Variants in SUGCT observed in about 807,000 individuals in gnomAD.
The protein encoded by SUGCT is succinyl-CoA:glutarate-CoA transferase.
Under a neutral mutation model 55.0 loss-of-function variants are expected in SUGCT, and 41 were observed. That is an observed-to-expected ratio of 0.74 (90% CI 0.58 to 0.97). SUGCT has a LOEUF of 0.97. Among genes scored for constraint, SUGCT ranks in the 50% least tolerant of loss-of-function variants. The pLI, the probability that SUGCT is intolerant of heterozygous loss-of-function variation, is 0.00. For missense variants in SUGCT, 568 were observed against 547.8 expected, an observed-to-expected ratio of 1.04 and a Z score of -0.37; for synonymous variants, 187 against 200.4, an observed-to-expected ratio of 0.93 and a Z score of 0.56.
chr7:40,376,169 A>G (rs1784531542), intron 9 of SUGCT, among the ~76,000 whole-genome samples: 1 of 152,202 alleles, frequency 6.6e-6, no homozygotes, highest in Non-Finnish European at 1.5e-5. Context: ...AGAAAAAGCT[A>G]TGAAGGGAAG....
At chr7:40,423,966 T>A (rs1241758037) in intron 9 of SUGCT, among the ~76,000 whole-genome samples, 1 of 152,088 alleles carries the variant, frequency 6.6e-6, no homozygotes, top group East Asian at 1.9e-4. Context: ...TTGTTATGTG[T>A]CTCTCTTTGG....
At chr7:40,253,179 C>T (rs1790560332) in intron 7 of SUGCT, among the ~76,000 whole-genome samples, 1 of 152,136 alleles carries the variant, frequency 6.6e-6, no homozygotes, top group African/African-American at 2.4e-5. Flanking sequence ...ATGGGGATAA[C>T]ATAACTATTT....
intron 6 of SUGCT, among the ~76,000 whole-genome samples, chr7:40,207,763 G>C (rs888888592): frequency 2.6e-5 from 4 of 151,938 alleles, no homozygotes; most frequent in African/African-American, 9.7e-5. Context: ...ACTGCAGTGA[G>C]CTGAGATTGT....
chr7:40,812,045 T>C (rs1048730684), intron 13 of SUGCT, among the ~76,000 whole-genome samples: 5 of 152,240 alleles, frequency 3.3e-5, no homozygotes, highest in African/African-American at 4.8e-5. Flanking sequence ...TTTATGTTTA[T>C]GTGGTGAAGC....
chr7:40,160,143 C>G (rs1300768555), intron 1 of SUGCT, among the ~76,000 whole-genome samples: 1 of 152,170 alleles, frequency 6.6e-6, no homozygotes, highest in Non-Finnish European at 1.5e-5. Flanking sequence ...ATGGTTAGGT[C>G]CTGTGGATCC....
chr7:40,775,165 G>C (rs1003799551), intron 13 of SUGCT, among the ~76,000 whole-genome samples: 1 of 152,208 alleles, frequency 6.6e-6, no homozygotes, highest in African/African-American at 2.4e-5. Flanking sequence ...GGTTTTGAAA[G>C]ATAAATGTGC....
intron 9 of SUGCT, among the ~76,000 whole-genome samples, chr7:40,381,111 T>G (rs1383137798): frequency 6.6e-6 from 1 of 152,092 alleles, no homozygotes; most frequent in African/African-American, 2.4e-5. Flanking sequence ...AGGGTCCATT[T>G]TGTTTTATCT....
intron 13 of SUGCT, among the ~76,000 whole-genome samples, chr7:40,760,758 A>G (rs1562986747): frequency 6.6e-6 from 1 of 151,958 alleles, no homozygotes; most frequent in Non-Finnish European, 1.5e-5. Flanking sequence ...CCTGAGCTCA[A>G]AGCCTGGTTT....
chr7:40,139,303 T>C (rs1180520223), intron 1 of SUGCT, among the ~76,000 whole-genome samples: 4 of 152,172 alleles, frequency 2.6e-5, no homozygotes, highest in African/African-American at 9.6e-5. Flanking sequence ...GTTCAAGGAT[T>C]GTTCTGCATC....
intron 1 of SUGCT, among the ~76,000 whole-genome samples, chr7:40,157,757 G>T (rs1783967511): frequency 1.3e-5 from 2 of 152,150 alleles, no homozygotes; most frequent in South Asian, 4.1e-4. Context: ...GCTTCTGTAG[G>T]ATGTGATTAG....
At chr7:40,428,843 T>C (rs960260209) in intron 9 of SUGCT, among the ~76,000 whole-genome samples, 1 of 152,228 alleles carries the variant, frequency 6.6e-6, no homozygotes, top group Non-Finnish European at 1.5e-5. Context: ...TTCACACTGT[T>C]TCATATTGCT....
intron 9 of SUGCT, among the ~76,000 whole-genome samples, chr7:40,429,624 A>C (rs1787787836): frequency 6.6e-6 from 1 of 152,190 alleles, no homozygotes; most frequent in Non-Finnish European, 1.5e-5. Context: ...AGACTCAGCC[A>C]GTTTATTCCT....
intron 5 of SUGCT, among the ~76,000 whole-genome samples, chr7:40,191,936 T>G (rs1385598707): frequency 6.6e-6 from 1 of 151,906 alleles, no homozygotes. Flanking sequence ...GGTGAAACCC[T>G]GTCTCTACTA....
At chr7:40,229,511 C>G (rs1169867958) in intron 6 of SUGCT, among the ~76,000 whole-genome samples, 2 of 145,954 alleles carry the variant, frequency 1.4e-5, no homozygotes, top group Non-Finnish European at 3.0e-5. Flanking sequence ...AGAGTGAGAC[C>G]CCGTCTCAAA....
chr7:40,245,423 A>AT lies in SUGCT; in HGVS notation c.576+7731dup, dbSNP rs1168316176. 5.9e-4 allele frequency among the ~76,000 whole-genome samples: 32 copies of AT among 54,564 alleles called. 1 individual carries two copies. The highest frequency in any genetic ancestry group is 2.6e-3 in the African/African-American group (29 of 11,258). The allele number at this position is 54,564 out of a possible 152,430, so 35.8% of individuals were successfully genotyped here. On this transcript the variant is annotated intron_variant, in intron 7 of 13. Transcript: ENST00000335693. ...AGTAGACATATATATATATATATAT[A>AT]TTTTTTTTTTTTTTTTTTTTTTTTT...
intron 5 of SUGCT, among the ~76,000 whole-genome samples, chr7:40,191,226 A>C (rs1785886171): frequency 6.6e-6 from 1 of 152,112 alleles, no homozygotes. Context: ...CATATTGGTC[A>C]GTCTAGTCTC....
the SUGCT span, among the ~76,000 whole-genome samples, chr7:40,918,050 A>G: frequency 8.9e-4 from 135 of 152,328 alleles, no homozygotes; most frequent in African/African-American, 3.2e-3. Context: ...TTAGAGGATC[A>G]CTACATGGAG....
intron 12 of SUGCT, among the ~76,000 whole-genome samples, chr7:40,743,549 G>T (rs1206575422): frequency 6.6e-6 from 1 of 152,160 alleles, no homozygotes; most frequent in Non-Finnish European, 1.5e-5. Flanking sequence ...TCCCTTAAAA[G>T]GCAGTAAGCT....
chr7:40,907,351 C>A, the SUGCT span, among the ~76,000 whole-genome samples: 2 of 152,232 alleles, frequency 1.3e-5, no homozygotes, highest in South Asian at 4.2e-4. Flanking sequence ...GGTGTGTAAT[C>A]TAGTTTTTAC....
Sources: gnomAD v4.1 joint callset for allele counts (sites outside exome capture counted in the v4.1 genomes callset) on GRCh38, gnomAD v4.1.1 for gene constraint, MANE v1.5 for transcripts, NCBI Gene and HGNC (gene_info 2026-07-23, HGNC 2026-07-21) for gene names.